CIB1: variants seen among roughly 807,000 people sequenced by gnomAD.
CIB1 encodes calcium and integrin binding 1.
A neutral mutation model predicts 25.0 loss-of-function variants in CIB1; 19 were observed. That is an observed-to-expected ratio of 0.76 (90% CI 0.53 to 1.12). The LOEUF is 1.12. Among genes scored for constraint, CIB1 ranks in the 50% most tolerant of loss-of-function variants. The pLI is 0.00. For synonymous variants in CIB1, 104 were observed against 98.5 expected (o/e 1.06, Z -0.33); for missense variants, 236 against 242.6 (o/e 0.97, Z 0.18).
rs762909077 is a variant in CIB1, at chr15:90,231,387, T to G, written c.316A>C (p.Ile106Leu). Reference sequence around the variant, plus strand: ...ATGCGGAAGGCATAATGGGACTTGATGTCTGGCGTGGCTGTGTCACTGAAC... The same window carrying G: ...ATGCGGAAGGCATAATGGGACTTGAGGTCTGGCGTGGCTGTGTCACTGAAC... Reference protein sequence around the residue: ...SVFSDTATPDIKSHYAFRIFD... With the variant: ...SVFSDTATPDLKSHYAFRIFD... Residue 106 changes from isoleucine to leucine, a missense_variant, in exon 4 of 7, where the codon ATC (isoleucine) becomes CTC (leucine). Physicochemically the swap from Ile to Leu is conservative, Grantham distance 5. Transcript: ENST00000328649. 10 of 1,614,202 alleles carry G rather than the reference T, an allele frequency of 6.2e-6. No individual in the cohort carries two copies. The highest frequency in any genetic ancestry group is 8.5e-6 in the Non-Finnish European group (10 of 1,180,026).
upstream of CIB1, among the ~76,000 whole-genome samples, chr15:90,236,639 T>G (rs1019440352): frequency 2.6e-5 from 4 of 151,974 alleles, no homozygotes; most frequent in African/African-American, 9.7e-5. Flanking sequence ...GTTCACCTGA[T>G]TCTCATGCCT....
upstream of CIB1, among the ~76,000 whole-genome samples, chr15:90,234,813 G>A (rs1337145324): frequency 6.6e-6 from 1 of 152,084 alleles, no homozygotes; most frequent in African/African-American, 2.4e-5. Flanking sequence ...TAACCTCTAG[G>A]ATAATGTTTG....
the CIB1 span, among the ~76,000 whole-genome samples, chr15:90,239,305 A>ATGTGTGTGTGTGTGTGTG: frequency 1.0e-3 from 153 of 147,972 alleles, 1 homozygote; most frequent in African/African-American, 2.3e-3. Context: ...GAGACATAAA[A>ATGTGTGTGTGTGTGTGTG]TGTGTGTGTG....
the CIB1 span, among the ~76,000 whole-genome samples, chr15:90,264,460 C>T: frequency 3.3e-5 from 5 of 152,290 alleles, no homozygotes; most frequent in South Asian, 2.1e-4. Flanking sequence ...TGTAAGCCAC[C>T]GCACCAGGCC....
the CIB1 span, chr15:90,264,018 G>A: frequency 6.5e-7 from 1 of 1,536,072 alleles, no homozygotes; most frequent in South Asian, 1.2e-5. Flanking sequence ...AGAAGGCTGG[G>A]AGGTGCTATT....
the CIB1 span, chr15:90,262,728 T>C: frequency 4.3e-6 from 6 of 1,400,402 alleles, no homozygotes; most frequent in Admixed American, 2.9e-5. Context: ...GACAACTAGA[T>C]AGGGGAATGA....
chr15:90,257,698 G>A, the CIB1 span: 103 of 1,614,100 alleles, frequency 6.4e-5, no homozygotes, highest in South Asian at 4.8e-4. Context: ...AATTTTGTCC[G>A]GGATGGCGCT....
upstream of CIB1, among the ~76,000 whole-genome samples, chr15:90,237,500 G>A (rs1439740509): frequency 6.6e-6 from 1 of 151,878 alleles, no homozygotes; most frequent in African/African-American, 2.4e-5. Context: ...TGGCCAGGAT[G>A]GTCTCGGTAT....
chr15:90,251,562 C>A, the CIB1 span: 2 of 1,614,022 alleles, frequency 1.2e-6, no homozygotes, highest in Non-Finnish European at 1.7e-6. Context: ...AGATCACTGG[C>A]CATCAACCTG....
the CIB1 span, chr15:90,241,837 G>C: frequency 6.2e-7 from 1 of 1,614,182 alleles, no homozygotes; most frequent in South Asian, 1.1e-5. Context: ...ACAGGGGTCC[G>C]AGTAATTCTG....
upstream of CIB1, chr15:90,234,164 T>A: frequency 2.4e-5 from 3 of 125,792 alleles, no homozygotes; most frequent in East Asian, 3.2e-4. Flanking sequence ...GCCTCCGGGG[T>A]GGGAGGGGGG....
the CIB1 span, chr15:90,257,010 A>G: frequency 5.5e-6 from 5 of 911,122 alleles, no homozygotes; most frequent in Admixed American, 1.5e-4. Flanking sequence ...AAGTGGGAGT[A>G]ATAACAGTAA....
rs1305919254 is a variant in CIB1, at chr15:90,232,216, C to T, written c.195+3G>A. On this transcript the variant is annotated splice_donor_region_variant and intron_variant, in intron 3 of 6. Coordinates refer to ENST00000328649, the MANE Select transcript of CIB1 (RefSeq NM_006384.4). ...AGGTGTCAAAGGAGGGGAGCGCTTG[C>T]ACCTTGAGCTCTGGAAGGCTGAGAA... 1 of 1,607,404 alleles carries T rather than the reference C, an allele frequency of 6.2e-7. No homozygotes were observed. Among genetic ancestry groups the T allele is most frequent in the Admixed American group, 1.7e-5 (1 of 59,696 alleles).
the CIB1 span, chr15:90,253,426 A>C: frequency 7.5e-7 from 1 of 1,326,922 alleles, no homozygotes. Context: ...GACTATTCCC[A>C]CCTCCTTGCC....
At chr15:90,257,078 C>T in the CIB1 span, 1 of 1,507,540 alleles carries the variant, frequency 6.6e-7, no homozygotes, top group African/African-American at 1.4e-5. Flanking sequence ...GCACTTAGAA[C>T]AGCACATAGT....
chr15:90,233,891 C>T lies in CIB1; in HGVS notation c.-6G>A. On this transcript the variant is annotated 5_prime_UTR_variant, in exon 1 of 7. Coordinates refer to ENST00000328649, the MANE Select transcript of CIB1 (RefSeq NM_006384.4). The stretch of plus-strand genomic sequence containing the variant: ...CGACTGCCCGAGCCCCCCATCGCCC[C>T]GCCGCGCGCACAGCTCCGCCAACTC... 2.0e-6 allele frequency: 3 copies of T among 1,468,508 alleles called. No individual in the cohort carries two copies. Among genetic ancestry groups the T allele is most frequent in the South Asian group, 2.8e-5 (2 of 71,822 alleles). The allele number at this position is 1,468,508 out of a possible 1,614,324, so 91.0% of individuals were successfully genotyped here. A position where few individuals can be genotyped will look rare whatever the true frequency, so the allele number is the denominator to read the frequency against.
At chr15:90,265,543 A>C in the CIB1 span, 1 of 1,394,790 alleles carries the variant, frequency 7.2e-7, no homozygotes, top group Non-Finnish European at 9.5e-7. Flanking sequence ...AGTTACAGGC[A>C]GAAAGGGTGG....
the CIB1 span, chr15:90,263,380 A>G: frequency 7.8e-6 from 4 of 512,356 alleles, no homozygotes; most frequent in Non-Finnish European, 1.0e-5. Flanking sequence ...AAACCTTCTC[A>G]TTTACAGGAA....
chr15:90,232,355 T>C (rs1234070505), intron 2 of CIB1, 28 bp from the exon 3 acceptor site: 1 of 1,579,692 alleles, frequency 6.3e-7, no homozygotes, highest in East Asian at 2.3e-5. Flanking sequence ...ACTGTCGGTG[T>C]TCTCAGCGAT....
Sources: allele counts gnomAD v4.1 joint callset (sites outside exome capture counted in the v4.1 genomes callset), GRCh38; gene constraint gnomAD v4.1.1; transcripts MANE v1.5; gene names NCBI Gene and HGNC (gene_info 2026-07-23, HGNC 2026-07-21).